Variants in CSMD3 observed in about 807,000 individuals in gnomAD.
The protein encoded by CSMD3 is CUB and Sushi multiple domains 3.
In CSMD3, 177 loss-of-function variants were observed where a neutral mutation model predicts 435.2. The ratio of observed to expected loss-of-function variants is 0.41; its 90% CI spans 0.36 to 0.46. CSMD3 has a LOEUF of 0.46. CSMD3 is among the 20% of genes least tolerant of loss of function. The pLI, the probability that CSMD3 is intolerant of heterozygous loss-of-function variation, is 0.34. For missense variants in CSMD3, 4,265 were observed against 4,504.6 expected (o/e 0.95, Z 1.52); for synonymous variants, 1,656 against 1,520.5 (o/e 1.09, Z -2.07).
Position 112,638,779 on chromosome 8 carries a change from C to A in CSMD3, c.3443G>T (p.Gly1148Val), listed in dbSNP as rs768534214. ...TTGAGCCCTGAAATTTCCATAGAGA[C>A]CAGCATTGATTGTTGGAGGAAGATC... Reference protein sequence around the residue: ...GSDLPPTINAGLYGNFRAQLR... With the variant: ...GSDLPPTINAVLYGNFRAQLR... The change falls in exon 21 of 71, where the codon GGT becomes GTT. Residue 1148 changes from glycine (G) to valine (V), a missense_variant. Gly to Val is a moderately radical substitution (Grantham distance 109). Transcript: ENST00000297405. The A allele has an allele frequency of 6.2e-7, 1 of 1,612,426 alleles. No homozygotes were observed. The highest frequency in any genetic ancestry group is 8.5e-7 in the Non-Finnish European group (1 of 1,178,834).
chr8:112,717,885 G>A (rs911415483), intron 13 of CSMD3, among the ~76,000 whole-genome samples: 3 of 152,016 alleles, frequency 2.0e-5, no homozygotes, highest in Non-Finnish European at 4.4e-5. Context: ...ACACAGGGAG[G>A]GGAATAACAC....
chr8:112,661,478 T>C (rs1400998660), intron 17 of CSMD3, among the ~76,000 whole-genome samples: 1 of 152,166 alleles, frequency 6.6e-6, no homozygotes, highest in Non-Finnish European at 1.5e-5. Flanking sequence ...AGAGTACGGA[T>C]GCCCTCTGAA....
intron 1 of CSMD3, among the ~76,000 whole-genome samples, chr8:113,384,260 C>G (rs929577689): frequency 2.0e-5 from 3 of 152,094 alleles, no homozygotes; most frequent in African/African-American, 7.2e-5. Context: ...AACCCTAGCA[C>G]CTAACTCTGT....
chr8:113,403,451 G>C (rs1305915790), intron 1 of CSMD3, among the ~76,000 whole-genome samples: 2 of 151,242 alleles, frequency 1.3e-5, no homozygotes, highest in African/African-American at 4.8e-5. Context: ...TTGTTAAAAT[G>C]CAGAAATTTT....
At chr8:112,387,018 A>T (rs538398848) in intron 36 of CSMD3, among the ~76,000 whole-genome samples, 1 of 152,186 alleles carries the variant, frequency 6.6e-6, no homozygotes, top group Non-Finnish European at 1.5e-5. Context: ...TGTAGCCAAC[A>T]TATTTTCCCC....
At chr8:113,015,541 T>C (rs1449151147) in intron 6 of CSMD3, among the ~76,000 whole-genome samples, 1 of 151,904 alleles carries the variant, frequency 6.6e-6, no homozygotes, top group Non-Finnish European at 1.5e-5. Flanking sequence ...TTAAAATTGA[T>C]TAAATACTGC....
At chr8:113,360,131 T>C (rs1272712758) in intron 1 of CSMD3, among the ~76,000 whole-genome samples, 1 of 152,168 alleles carries the variant, frequency 6.6e-6, no homozygotes, top group East Asian at 1.9e-4. Context: ...TGTTTTATTT[T>C]TATAATATGT....
At chr8:113,147,062 T>C (rs968174746) in intron 4 of CSMD3, among the ~76,000 whole-genome samples, 6 of 151,698 alleles carry the variant, frequency 4.0e-5, no homozygotes, top group Admixed American at 6.6e-5. Flanking sequence ...TGCAACATTA[T>C]ATATTTTATG....
intron 17 of CSMD3, among the ~76,000 whole-genome samples, chr8:112,659,657 G>A (rs1300479145): frequency 6.6e-6 from 1 of 152,158 alleles, no homozygotes; most frequent in African/African-American, 2.4e-5. Flanking sequence ...TGGATATTGA[G>A]AAAATTTAGA....
rs1353852524 is a variant in CSMD3 at position 113,328,733 on chromosome 8, TTC to T, written c.179-13942_179-13941del. On this transcript the variant is annotated intron_variant, in intron 1 of 70. Transcript: ENST00000297405. ...TTCTTTCTTTCTTTCCTTCCTTCTT[TTC>T]TTTTTTTTTTTTTTTTTTTTTTTTG... Among the ~76,000 whole-genome samples the T allele has an allele frequency of 1.3e-3, 158 of 117,396 alleles. 1 individual carries two copies. The highest frequency in any genetic ancestry group is 4.2e-3 in the African/African-American group (120 of 28,486). The allele number at this position is 117,396 out of a possible 152,430, so 77.0% of individuals were successfully genotyped here. A position where few individuals can be genotyped will look rare whatever the true frequency, so the allele number is the denominator to read the frequency against.
At chr8:112,724,292 G>T (rs552421085) in intron 13 of CSMD3, among the ~76,000 whole-genome samples, 2 of 151,978 alleles carry the variant, frequency 1.3e-5, no homozygotes, top group Non-Finnish European at 2.9e-5. Flanking sequence ...AAAGAAAAAT[G>T]GTGGAAACGA....
intron 1 of CSMD3, among the ~76,000 whole-genome samples, chr8:113,398,843 A>G (rs1332403812): frequency 1.3e-5 from 2 of 151,842 alleles, no homozygotes; most frequent in Non-Finnish European, 2.9e-5. Flanking sequence ...TCCTAAAAGA[A>G]TTGCATAAAT....
chr8:113,354,091 A>T (rs80354667), intron 1 of CSMD3, among the ~76,000 whole-genome samples: 1 of 152,192 alleles, frequency 6.6e-6, no homozygotes. Context: ...CTTTAAATTA[A>T]TGAATGACCG....
intron 1 of CSMD3, among the ~76,000 whole-genome samples, chr8:113,415,308 C>T (rs2094577059): frequency 1.3e-5 from 2 of 152,110 alleles, no homozygotes; most frequent in Non-Finnish European, 2.9e-5. Context: ...GTCTGGTCCT[C>T]CTCAGTGAGT....
At chr8:112,396,147 AG>A (rs1386409268) in intron 35 of CSMD3, among the ~76,000 whole-genome samples, 5 of 152,106 alleles carry the variant, frequency 3.3e-5, no homozygotes, top group Non-Finnish European at 1.5e-5. Context: ...TTACTGTGAC[AG>A]AAAAAAAAAC....
At chr8:112,270,228 T>C (rs1042516177) in intron 59 of CSMD3, among the ~76,000 whole-genome samples, 1 of 152,092 alleles carries the variant, frequency 6.6e-6, no homozygotes, top group Non-Finnish European at 1.5e-5. Flanking sequence ...ACCATTATTA[T>C]TAAATCACAT....
intron 4 of CSMD3, among the ~76,000 whole-genome samples, chr8:113,145,695 G>A (rs937218757): frequency 3.3e-5 from 5 of 151,374 alleles, no homozygotes; most frequent in South Asian, 2.1e-4. Flanking sequence ...ATATTACCTG[G>A]TTTATTAATT....
intron 28 of CSMD3, among the ~76,000 whole-genome samples, chr8:112,509,083 T>A (rs895467260): frequency 6.6e-6 from 1 of 151,570 alleles, no homozygotes; most frequent in African/African-American, 2.4e-5. Context: ...CTAGATTAGA[T>A]GTCTTTTTTT....
At chr8:112,919,624 G>A (rs1449625007) in intron 10 of CSMD3, among the ~76,000 whole-genome samples, 1 of 151,644 alleles carries the variant, frequency 6.6e-6, no homozygotes, top group African/African-American at 2.4e-5. Context: ...TAATTTATGT[G>A]ACATTGAAGT....
Sources: gnomAD v4.1 joint callset for allele counts (sites outside exome capture counted in the v4.1 genomes callset) on GRCh38, gnomAD v4.1.1 for gene constraint, MANE v1.5 for transcripts, NCBI Gene and HGNC (gene_info 2026-07-23, HGNC 2026-07-21) for gene names.